NIM1K: variants seen among roughly 807,000 people sequenced by gnomAD.
The protein encoded by NIM1K is NIM1 serine/threonine protein kinase.
Under a neutral mutation model 37.1 loss-of-function variants are expected in NIM1K, and 35 were observed. The observed-to-expected ratio is 0.94, with a 90% CI of 0.72 to 1.25. NIM1K has a LOEUF of 1.25. Among genes scored for constraint, NIM1K ranks in the 50% most tolerant of loss-of-function variants. The pLI, the probability that NIM1K is intolerant of heterozygous loss-of-function variation, is 0.00. For missense variants in NIM1K, 564 were observed against 548.0 expected, an observed-to-expected ratio of 1.03 and a Z score of -0.29; for synonymous variants, 234 against 206.6, an observed-to-expected ratio of 1.13 and a Z score of -1.14.
At chr5:43,234,562 G>A (rs908134605) in intron 1 of NIM1K, among the ~76,000 whole-genome samples, 2 of 152,120 alleles carry the variant, frequency 1.3e-5, no homozygotes, top group Admixed American at 6.5e-5. Context: ...GCTGAGGTGG[G>A]CAGATCAACT....
intron 1 of NIM1K, among the ~76,000 whole-genome samples, chr5:43,198,113 C>A (rs1751943850): frequency 6.6e-6 from 1 of 151,608 alleles, no homozygotes. Context: ...TGCTCTGCAC[C>A]CGCACCTGGC....
chr5:43,213,348 G>C (rs1456699792), intron 1 of NIM1K, among the ~76,000 whole-genome samples: 1 of 108,222 alleles, frequency 9.2e-6, no homozygotes, highest in African/African-American at 4.8e-5. Flanking sequence ...TTCTTTTCTA[G>C]TTGGAGTCTC....
intron 3 of NIM1K, among the ~76,000 whole-genome samples, chr5:43,278,294 C>T (rs1376356843): frequency 6.6e-6 from 1 of 152,202 alleles, no homozygotes. Context: ...ATCCACCTGC[C>T]TCGGTCTCCC....
Position 43,245,563 on chromosome 5 carries a change from G to C in NIM1K, c.-213G>C. The C allele has an allele frequency of 2.1e-6, 1 of 477,080 alleles. No homozygotes were observed. The highest frequency in any genetic ancestry group is 3.7e-6 in the Non-Finnish European group (1 of 271,340). 29.6% of individuals were successfully genotyped at this position (477,080 alleles called of 1,614,324 possible). ...AGGTGGGAAATGTCTTGAGTGAGGC[G>C]AGCAGCTCCTGGCTGGGCTGGGCAG... On this transcript the variant is annotated 5_prime_UTR_variant, in exon 2 of 4. Transcript: ENST00000326035.
rs1049644932 is a variant in NIM1K, at chr5:43,240,406, T to C, written c.-694-4676T>C. ...CTTTTTAAAGGTAAGTATACGCACATTAAAAAAATGTAAATCATATGAAAA... is the reference window on the plus strand; with the variant it reads ...CTTTTTAAAGGTAAGTATACGCACACTAAAAAAATGTAAATCATATGAAAA... On this transcript the variant is annotated intron_variant, in intron 1 of 3. Transcript: ENST00000326035. 9.9e-5 allele frequency: 15 copies of C among 151,852 alleles called. 1 individual carries two copies. Among genetic ancestry groups the C allele is most frequent in the African/African-American group, 3.6e-4 (15 of 41,186 alleles). 9.4% of individuals were successfully genotyped at this position (151,852 alleles called of 1,614,324 possible). A position where few individuals can be genotyped will look rare whatever the true frequency, so the allele number is the denominator to read the frequency against.
chr5:43,238,399 A>AT (rs199557453), intron 1 of NIM1K, among the ~76,000 whole-genome samples: 1,529 of 149,292 alleles, frequency 0.01, 22 homozygotes, highest in Middle Eastern at 0.031. Flanking sequence ...TTGTCTTTGA[A>AT]TTTTTTTTTT....
chr5:43,278,133 C>A (rs1753380537), intron 3 of NIM1K, among the ~76,000 whole-genome samples: 1 of 151,688 alleles, frequency 6.6e-6, no homozygotes, highest in Non-Finnish European at 1.5e-5. Flanking sequence ...GCAACCTCCG[C>A]CTCCCGGGTT....
intron 2 of NIM1K, among the ~76,000 whole-genome samples, chr5:43,271,178 G>A (rs1753251273): frequency 6.6e-6 from 1 of 151,246 alleles, no homozygotes; most frequent in Non-Finnish European, 1.5e-5. Flanking sequence ...AATAATAATA[G>A]CATGCTTCTT....
chr5:43,212,074 C>T (rs1752212064), intron 1 of NIM1K, among the ~76,000 whole-genome samples: 1 of 152,088 alleles, frequency 6.6e-6, no homozygotes, highest in Admixed American at 6.6e-5. Flanking sequence ...TATTTTAAGA[C>T]TTTTATTTCC....
At chr5:43,221,651 A>G (rs571827868) in intron 1 of NIM1K, among the ~76,000 whole-genome samples, 18 of 152,346 alleles carry the variant, frequency 1.2e-4, no homozygotes, top group Admixed American at 3.3e-4. Flanking sequence ...TGATGCACAG[A>G]AAACGGAAGT....
intron 2 of NIM1K, among the ~76,000 whole-genome samples, chr5:43,264,843 G>T (rs557531437): frequency 6.6e-6 from 1 of 152,090 alleles, no homozygotes; most frequent in South Asian, 2.1e-4. Context: ...AGCATTTTTT[G>T]TCTGTAAAGG....
intron 1 of NIM1K, chr5:43,231,902 A>C: frequency 9.6e-7 from 1 of 1,045,020 alleles, no homozygotes; most frequent in Non-Finnish European, 1.4e-6. Flanking sequence ...TCATGTCCTC[A>C]CTGGCCTCAG....
chr5:43,193,815 T>A (rs1366644717), intron 1 of NIM1K, among the ~76,000 whole-genome samples: 16 of 152,186 alleles, frequency 1.1e-4, no homozygotes, highest in Non-Finnish European at 2.2e-4. Context: ...TTGTCATGGT[T>A]ACTGAAGAAG....
chr5:43,246,165 CT>C (rs919810501), intron 2 of NIM1K, 98 bp downstream of exon 2: 3 of 1,038,864 alleles, frequency 2.9e-6, no homozygotes, highest in Non-Finnish European at 4.2e-6. Context: ...GTAAAGTGAC[CT>C]CAGCAGAGCC....
At chr5:43,240,936 T>C (rs1019608566) in intron 1 of NIM1K, among the ~76,000 whole-genome samples, 5 of 152,022 alleles carry the variant, frequency 3.3e-5, no homozygotes. Context: ...TCCATCTTTA[T>C]GTCAGAAATA....
chr5:43,254,410 T>C (rs950141994), intron 2 of NIM1K, among the ~76,000 whole-genome samples: 4 of 152,172 alleles, frequency 2.6e-5, no homozygotes, highest in African/African-American at 7.2e-5. Context: ...TACATAAAGA[T>C]TTGAGGCTTA....
intron 2 of NIM1K, among the ~76,000 whole-genome samples, chr5:43,272,295 A>G (rs1753269338): frequency 6.6e-6 from 1 of 152,152 alleles, no homozygotes; most frequent in African/African-American, 2.4e-5. Flanking sequence ...GACTCCAGAG[A>G]AAGTGTTAAA....
At chr5:43,255,778 G>GAA (rs1363406613) in intron 2 of NIM1K, among the ~76,000 whole-genome samples, 2 of 150,292 alleles carry the variant, frequency 1.3e-5, no homozygotes, top group South Asian at 2.1e-4. Context: ...AAGAAAGAAA[G>GAA]AGCAGGAGGG....
intron 2 of NIM1K, among the ~76,000 whole-genome samples, chr5:43,247,600 G>A (rs1287314721): frequency 1.3e-5 from 2 of 152,226 alleles, no homozygotes; most frequent in East Asian, 3.8e-4. Flanking sequence ...CACCTTCAGA[G>A]CTTCTGATGT....
Sources: allele counts gnomAD v4.1 joint callset (sites outside exome capture counted in the v4.1 genomes callset), GRCh38; gene constraint gnomAD v4.1.1; transcripts MANE v1.5; gene names NCBI Gene and HGNC (gene_info 2026-07-23, HGNC 2026-07-21).